SYN3: variants seen among roughly 807,000 people sequenced by gnomAD.
SYN3 encodes the protein synapsin-3.
A neutral mutation model predicts 65.8 loss-of-function variants in SYN3; 35 were observed. The ratio of observed to expected loss-of-function variants is 0.53; its 90% CI spans 0.41 to 0.70. The LOEUF (loss-of-function observed/expected upper bound fraction) is 0.70. SYN3 is among the 30% of genes least tolerant of loss of function. The pLI is 0.00. For missense variants in SYN3, 680 were observed against 749.0 expected, an observed-to-expected ratio of 0.91 and a Z score of 1.08; for synonymous variants, 270 against 292.9, an observed-to-expected ratio of 0.92 and a Z score of 0.80.
At chr22:32,925,085 C>A (rs923562188) in intron 4 of SYN3, among the ~76,000 whole-genome samples, 1 of 151,726 alleles carries the variant, frequency 6.6e-6, no homozygotes, top group Admixed American at 6.6e-5. Flanking sequence ...GAGAGAGACC[C>A]TGTCTCAAGG....
chr22:33,047,934 T>C (rs893111046), intron 1 of SYN3, among the ~76,000 whole-genome samples: 7 of 150,828 alleles, frequency 4.6e-5, no homozygotes, highest in Admixed American at 4.6e-4. Flanking sequence ...CACACAGCGA[T>C]GTCTGGCATT....
rs1391644596 is a variant in SYN3, at chr22:32,569,563, CTCTCTCTCTA to C, written c.774+27101_774+27110del. Among the ~76,000 whole-genome samples the C allele has an allele frequency of 5.1e-3, 269 of 52,888 alleles. 2 individuals are homozygous for C. Among genetic ancestry groups the C allele is most frequent in the African/African-American group, 0.014 (250 of 17,354 alleles). 34.7% of individuals were successfully genotyped at this position (52,888 alleles called of 152,430 possible). On this transcript the variant is annotated intron_variant, in intron 7 of 13. Coordinates refer to ENST00000358763, the MANE Select transcript of SYN3 (RefSeq NM_003490.4). ...TCTCTCTCTCTCTCTCTCTCTCTCTCTCTCTCTCTATATATATATATATATAAAATCTATC... is the reference window on the plus strand; with the variant it reads ...TCTCTCTCTCTCTCTCTCTCTCTCTCTATATATATATATATAAAATCTATC...
intron 1 of SYN3, among the ~76,000 whole-genome samples, chr22:33,042,732 C>G (rs1167596439): frequency 1.1e-4 from 16 of 152,148 alleles, no homozygotes. Context: ...GAGCCCCCCG[C>G]CACCCAATCC....
chr22:32,973,415 A>ACCCC (rs145370290), intron 3 of SYN3, among the ~76,000 whole-genome samples: 2 of 151,986 alleles, frequency 1.3e-5, no homozygotes, highest in Non-Finnish European at 2.9e-5. Context: ...TACTACTTTT[A>ACCCC]CCCCCGCCAA....
chr22:32,826,763 A>G (rs543280471), intron 6 of SYN3, among the ~76,000 whole-genome samples: 1 of 152,182 alleles, frequency 6.6e-6, no homozygotes, highest in Admixed American at 6.5e-5. Flanking sequence ...CAGGGCGTCC[A>G]CTATCCAGTC....
At chr22:32,561,501 G>T (rs1267874785) in intron 7 of SYN3, among the ~76,000 whole-genome samples, 6 of 152,218 alleles carry the variant, frequency 3.9e-5, no homozygotes. Context: ...GGAGGGACTT[G>T]GGGGGTCCTG....
intron 6 of SYN3, among the ~76,000 whole-genome samples, chr22:32,834,323 AT>A (rs5845042): frequency 9.1e-5 from 13 of 143,490 alleles, no homozygotes; most frequent in African/African-American, 1.7e-4. Flanking sequence ...TGGCTAATTT[AT>A]TTTTTTTTTT....
intron 1 of SYN3, among the ~76,000 whole-genome samples, chr22:33,044,606 T>G (rs1256096125): frequency 6.6e-6 from 1 of 151,926 alleles, no homozygotes. Context: ...CTTGTGCCTC[T>G]GCCTGGTTGT....
intron 7 of SYN3, among the ~76,000 whole-genome samples, chr22:32,580,117 CCA>C (rs1171034157): frequency 6.6e-6 from 1 of 152,244 alleles, no homozygotes; most frequent in Non-Finnish European, 1.5e-5. Flanking sequence ...GCTTGTGCGT[CCA>C]CAGAGCTTAC....
intron 2 of SYN3, among the ~76,000 whole-genome samples, chr22:32,982,212 T>C (rs1453687868): frequency 5.9e-5 from 9 of 152,240 alleles, no homozygotes; most frequent in African/African-American, 2.2e-4. Context: ...TATTGAGTTA[T>C]ACCTATATGC....
chr22:32,937,915 G>A (rs2050819490), intron 3 of SYN3, among the ~76,000 whole-genome samples: 1 of 152,110 alleles, frequency 6.6e-6, no homozygotes, highest in Non-Finnish European at 1.5e-5. Context: ...TCTAATATAT[G>A]AGTAATTAAA....
intron 6 of SYN3, among the ~76,000 whole-genome samples, chr22:32,616,934 C>T (rs962785863): frequency 2.6e-5 from 4 of 152,128 alleles, no homozygotes; most frequent in Non-Finnish European, 5.9e-5. Flanking sequence ...ACAAAGGACA[C>T]AAGGCCCAAA....
intron 6 of SYN3, among the ~76,000 whole-genome samples, chr22:32,791,119 G>T (rs907394611): frequency 6.6e-6 from 1 of 152,098 alleles, no homozygotes; most frequent in Non-Finnish European, 1.5e-5. Context: ...CATAAAATGG[G>T]CATGATCATA....
intron 1 of SYN3, among the ~76,000 whole-genome samples, chr22:33,008,998 GAA>G (rs1217101386): frequency 6.2e-5 from 6 of 96,450 alleles, no homozygotes; most frequent in Non-Finnish European, 1.1e-4. Context: ...AAAAGAAAAA[GAA>G]AATCGGAAAT....
chr22:32,881,627 C>G (rs1306662098), intron 4 of SYN3, among the ~76,000 whole-genome samples: 2 of 152,230 alleles, frequency 1.3e-5, no homozygotes, highest in African/African-American at 4.8e-5. Context: ...TCGCTGGTTC[C>G]CTAGGTTCTC....
At chr22:32,894,849 G>A (rs542775571) in intron 4 of SYN3, among the ~76,000 whole-genome samples, 2 of 152,332 alleles carry the variant, frequency 1.3e-5, no homozygotes, top group South Asian at 4.1e-4. Flanking sequence ...GAGTAAGGGA[G>A]AATTCGCTCT....
intron 2 of SYN3, among the ~76,000 whole-genome samples, chr22:33,003,761 G>GCCGAA (rs2053127496): frequency 6.6e-6 from 1 of 152,224 alleles, no homozygotes; most frequent in Non-Finnish European, 1.5e-5. Context: ...GTAACAAGGA[G>GCCGAA]CCGAATGTTT....
At chr22:32,980,979 C>A (rs898591042) in intron 2 of SYN3, among the ~76,000 whole-genome samples, 2 of 151,874 alleles carry the variant, frequency 1.3e-5, no homozygotes, top group South Asian at 2.1e-4. Context: ...CTCAGCCTCC[C>A]GAGTAGCTGG....
chr22:33,026,795 TC>T (rs2053647404), intron 1 of SYN3, among the ~76,000 whole-genome samples: 1 of 152,270 alleles, frequency 6.6e-6, no homozygotes, highest in African/African-American at 2.4e-5. Context: ...CTGAAAATGC[TC>T]CCTCAATCCC....
Sources: allele counts gnomAD v4.1 joint callset (sites outside exome capture counted in the v4.1 genomes callset), GRCh38; gene constraint gnomAD v4.1.1; transcripts MANE v1.5; gene names NCBI Gene and HGNC (gene_info 2026-07-23, HGNC 2026-07-21).